NELL2: variants seen among roughly 807,000 people sequenced by gnomAD.
NELL2 encodes neural EGFL like 2, also known as protein kinase C-binding protein NELL2.
NELL2 carries 41 observed loss-of-function variants against 109.6 expected under a neutral mutation model. That is an observed-to-expected ratio of 0.37 (90% confidence interval 0.29 to 0.49). The LOEUF is 0.49. NELL2 is among the 20% of genes least tolerant of loss of function. NELL2 has a pLI of 0.98. For missense variants in NELL2, 900 were observed against 1,008.3 expected, an observed-to-expected ratio of 0.89 and a Z score of 1.45; for synonymous variants, 355 against 344.7, an observed-to-expected ratio of 1.03 and a Z score of -0.33.
At chr12:44,833,920 T>C (rs947863714) in intron 2 of NELL2, among the ~76,000 whole-genome samples, 2 of 152,310 alleles carry the variant, frequency 1.3e-5, no homozygotes, top group African/African-American at 4.8e-5. Flanking sequence ...GAGTGGAGTT[T>C]AAAACAAGCT....
chr12:44,544,057 G>C (rs953675974), intron 15 of NELL2, among the ~76,000 whole-genome samples: 1 of 152,008 alleles, frequency 6.6e-6, no homozygotes, highest in African/African-American at 2.4e-5. Context: ...GGGAGATGAA[G>C]GTAAGGGGCA....
At chr12:44,865,180 G>T (rs1327606200) in intron 2 of NELL2, among the ~76,000 whole-genome samples, 1 of 110,374 alleles carries the variant, frequency 9.1e-6, no homozygotes, top group Non-Finnish European at 1.9e-5. Flanking sequence ...TTTGAGAAGT[G>T]TCTGTTCATG....
At chr12:44,756,700 G>T (rs1592470517) in intron 9 of NELL2, among the ~76,000 whole-genome samples, 1 of 152,022 alleles carries the variant, frequency 6.6e-6, no homozygotes, top group Non-Finnish European at 1.5e-5. Flanking sequence ...TAGCTTCCTT[G>T]GTACAATAAT....
rs997811801 is a variant in NELL2 at position 44,572,031 on chromosome 12, C to T, written c.1663+35138G>A. On this transcript the variant is annotated intron_variant, in intron 15 of 19. Transcript: ENST00000429094. The stretch of plus-strand genomic sequence containing the variant: ...CATAGCTCAAAAAAGAAAAAAAGGA[C>T]TCTTTCTTTCTTTCTCTCTCTCTCT... Among the ~76,000 whole-genome samples, 3 of 152,110 alleles carry T rather than the reference C, an allele frequency of 2.0e-5. No individual in the cohort carries two copies. In the South Asian group the frequency reaches 6.2e-4, roughly 32 times the overall value.
intron 13 of NELL2, among the ~76,000 whole-genome samples, chr12:44,632,418 T>C (rs1225597696): frequency 1.3e-5 from 2 of 152,092 alleles, no homozygotes; most frequent in Non-Finnish European, 2.9e-5. Flanking sequence ...CAAGCAGACC[T>C]GGGCACCAGT....
chr12:44,802,198 A>G (rs1942855150), intron 3 of NELL2, among the ~76,000 whole-genome samples: 1 of 152,082 alleles, frequency 6.6e-6, no homozygotes, highest in African/African-American at 2.4e-5. Context: ...ATCCTGATAA[A>G]CTGGAGGTTG....
chr12:44,563,078 A>G (rs955060440), intron 15 of NELL2, among the ~76,000 whole-genome samples: 2 of 152,206 alleles, frequency 1.3e-5, no homozygotes, highest in African/African-American at 4.8e-5. Flanking sequence ...AGAAAACAAA[A>G]CACCACATGT....
intron 13 of NELL2, among the ~76,000 whole-genome samples, chr12:44,651,627 T>C (rs1592272511): frequency 6.6e-6 from 1 of 152,308 alleles, no homozygotes; most frequent in Non-Finnish European, 1.5e-5. Context: ...TGTGAATCTA[T>C]TAGGAATATG....
At chr12:44,654,556 G>A (rs1470026328) in intron 13 of NELL2, among the ~76,000 whole-genome samples, 3 of 152,152 alleles carry the variant, frequency 2.0e-5, no homozygotes, top group Non-Finnish European at 4.4e-5. Context: ...GTAACAGGAT[G>A]TCAGTTCCTA....
In NELL2 at chr12:44,564,170, T is replaced by C. The variant is rs562718303; in HGVS notation, c.1664-31449A>G. Among the ~76,000 whole-genome samples, 3 of 152,342 alleles carry C rather than the reference T, an allele frequency of 2.0e-5. No individual in the cohort carries two copies. In the South Asian group the frequency reaches 6.2e-4, roughly 32 times the overall value. On this transcript the variant is annotated intron_variant, in intron 15 of 19. Coordinates refer to ENST00000429094, the MANE Select transcript of NELL2 (RefSeq NM_001145108.2). Reference sequence around the variant, plus strand: ...CAATTCAAACTAAACATTTTACCTATAGTTTTTAGTGAGTTAAACGACAAA... The same window carrying C: ...CAATTCAAACTAAACATTTTACCTACAGTTTTTAGTGAGTTAAACGACAAA...
Position 44,586,353 on chromosome 12 carries a change from T to C in NELL2, c.1663+20816A>G, listed in dbSNP as rs892687714. Among the ~76,000 whole-genome samples, 62 of 150,700 alleles carry C rather than the reference T, an allele frequency of 4.1e-4. 2 individuals carry two copies. Among genetic ancestry groups the C allele is most frequent in the Admixed American group, 1.9e-3 (29 of 15,088 alleles). ...ATATATATCGTATGTATGTCATACATATGTCATAAATACGTGATTTCTTAA... is the reference window on the plus strand; with the variant it reads ...ATATATATCGTATGTATGTCATACACATGTCATAAATACGTGATTTCTTAA... On this transcript the variant is annotated intron_variant, in intron 15 of 19. Transcript: ENST00000429094.
At chr12:44,780,455 C>T (rs759107181) in intron 3 of NELL2, among the ~76,000 whole-genome samples, 1 of 151,844 alleles carries the variant, frequency 6.6e-6, no homozygotes, top group Non-Finnish European at 1.5e-5. Flanking sequence ...CCAAACCATG[C>T]CAAACAAAAG....
At chr12:44,844,451 C>T (rs1944314380) in intron 2 of NELL2, among the ~76,000 whole-genome samples, 1 of 152,204 alleles carries the variant, frequency 6.6e-6, no homozygotes, top group Non-Finnish European at 1.5e-5. Flanking sequence ...AAACTACCTA[C>T]TCTCTGATGC....
chr12:44,668,744 A>C (rs898829019), intron 12 of NELL2, among the ~76,000 whole-genome samples: 1 of 152,096 alleles, frequency 6.6e-6, no homozygotes, highest in African/African-American at 2.4e-5. Flanking sequence ...TAGGGAACCC[A>C]GAAACCAGCA....
rs1227761774 is a variant in NELL2 at position 44,522,096 on chromosome 12, G to C, written c.2079C>G (p.Asp693Glu). 6.2e-7 allele frequency: 1 copy of C among 1,613,946 alleles called. No individual in the cohort carries two copies. Among genetic ancestry groups the C allele is most frequent in the East Asian group, 2.2e-5 (1 of 44,872 alleles). The change falls in exon 18 of 20, where the codon GAC (aspartate) becomes GAG (glutamate). Residue 693 changes from aspartate (D) to glutamate (E), a missense_variant. Asp to Glu is a conservative substitution (Grantham distance 45, BLOSUM62 2). Transcript: ENST00000429094. ...GGAGGCACTGACTACTAAGCCTTGG[G>C]TCACATTCAGGGCAGCAAAAAAGAT... ...TVDLFCCPEC[D>E]PRLSSQCLHQ...
intron 15 of NELL2, among the ~76,000 whole-genome samples, chr12:44,591,692 T>C (rs1485879911): frequency 6.6e-6 from 1 of 152,214 alleles, no homozygotes; most frequent in East Asian, 1.9e-4. Context: ...TCTAGCTTTT[T>C]ATAGCACTGT....
chr12:44,565,510 C>T (rs545733831), intron 15 of NELL2, among the ~76,000 whole-genome samples: 60 of 152,164 alleles, frequency 3.9e-4, no homozygotes, highest in Admixed American at 1.8e-3. Context: ...TTTCGAGAGA[C>T]GAACACAAGT....
intron 14 of NELL2, among the ~76,000 whole-genome samples, chr12:44,610,243 A>G (rs1436149696): frequency 2.6e-5 from 2 of 75,522 alleles, no homozygotes; most frequent in Non-Finnish European, 5.1e-5. Flanking sequence ...CAAGAGAGCA[A>G]AAAAAAAAAA....
chr12:44,681,408 T>A (rs1015742895), intron 12 of NELL2, among the ~76,000 whole-genome samples: 46 of 150,140 alleles, frequency 3.1e-4, no homozygotes, highest in Middle Eastern at 7.0e-3. Context: ...ATTTATTTTA[T>A]TTTATTTTAT....
Sources: allele counts gnomAD v4.1 joint callset (sites outside exome capture counted in the v4.1 genomes callset), GRCh38; gene constraint gnomAD v4.1.1; transcripts MANE v1.5; gene names NCBI Gene and HGNC (gene_info 2026-07-23, HGNC 2026-07-21).